Variants in CCDC85A observed in about 807,000 individuals in gnomAD.
CCDC85A encodes the protein coiled-coil domain containing 85A.
CCDC85A carries 38 observed loss-of-function variants against 50.2 expected under a neutral mutation model. The observed-to-expected ratio is 0.76, with a 90% CI of 0.58 to 0.99. The LOEUF is 0.99. CCDC85A is among the 50% of genes least tolerant of loss of function. CCDC85A has a pLI of 0.00. For missense variants in CCDC85A, 820 were observed against 742.0 expected, an observed-to-expected ratio of 1.11 and a Z score of -1.22; for synonymous variants, 366 against 301.4, an observed-to-expected ratio of 1.21 and a Z score of -2.22.
rs181994179 is a variant in CCDC85A, at chr2:56,299,820, G to C, written c.1241-43059G>C. On this transcript the variant is annotated intron_variant, in intron 2 of 5. Transcript: ENST00000407595. ...TGCCACTGTCCTCAGGAAATCAGCT[G>C]GTGCTTACCTTCCCCTCCATTCATT... Among the ~76,000 whole-genome samples the C allele has an allele frequency of 1.2e-4, 18 of 152,214 alleles. No homozygotes were observed. In the East Asian group the frequency reaches 3.5e-3, roughly 29 times the overall value.
chr2:56,319,212 C>T (rs1362695252), intron 2 of CCDC85A, among the ~76,000 whole-genome samples: 2 of 152,076 alleles, frequency 1.3e-5, no homozygotes, highest in Non-Finnish European at 2.9e-5. Flanking sequence ...TGTACAACAA[C>T]CTTGTGGTGT....
At chr2:56,329,530 T>G (rs1673661050) in intron 2 of CCDC85A, among the ~76,000 whole-genome samples, 1 of 152,212 alleles carries the variant, frequency 6.6e-6, no homozygotes, top group African/African-American at 2.4e-5. Flanking sequence ...CTAATTTAGA[T>G]TATCTAAACT....
chr2:56,214,208 G>C (rs1207303855), intron 2 of CCDC85A, among the ~76,000 whole-genome samples: 1 of 151,954 alleles, frequency 6.6e-6, no homozygotes, highest in Non-Finnish European at 1.5e-5. Context: ...CATTGGACAA[G>C]TTATATAACC....
chr2:56,194,999 GA>G (rs1676469709), intron 2 of CCDC85A, among the ~76,000 whole-genome samples: 1 of 152,178 alleles, frequency 6.6e-6, no homozygotes, highest in African/African-American at 2.4e-5. Context: ...TTGAAGAGGG[GA>G]TAGTGGAGTA....
At chr2:56,243,805 C>A (rs1349060302) in intron 2 of CCDC85A, among the ~76,000 whole-genome samples, 1 of 152,152 alleles carries the variant, frequency 6.6e-6, no homozygotes, top group Non-Finnish European at 1.5e-5. Flanking sequence ...TTTGAAGGGA[C>A]CTTGGTATTT....
At chr2:56,184,952 C>G (rs1309216655) in intron 1 of CCDC85A, 52 bp downstream of exon 1, 10 of 1,436,086 alleles carry the variant, frequency 7.0e-6, no homozygotes, top group African/African-American at 3.0e-5. Flanking sequence ...CGGGGTGCCC[C>G]GAGGAGGAGG....
chr2:56,194,016 G>A (rs1676430252), intron 2 of CCDC85A, among the ~76,000 whole-genome samples: 1 of 152,094 alleles, frequency 6.6e-6, no homozygotes, highest in African/African-American at 2.4e-5. Context: ...CCATTGTGTT[G>A]GAGGCCTGAA....
chr2:56,343,363 G>A (rs1235468056), intron 3 of CCDC85A, among the ~76,000 whole-genome samples: 2 of 152,200 alleles, frequency 1.3e-5, no homozygotes, highest in African/African-American at 4.8e-5. Context: ...TAGTTGGAAG[G>A]TTTCGCATTA....
intron 2 of CCDC85A, among the ~76,000 whole-genome samples, chr2:56,256,698 GCCCAGGCAGATAAATATAACCTTC>G (rs767833504): frequency 2.0e-5 from 3 of 152,150 alleles, no homozygotes; most frequent in Non-Finnish European, 4.4e-5. Flanking sequence ...TGACTCCCTT[GCCCAGGCAGATAAATATAACCTTC>G]CTGGCCTAAT....
In CCDC85A at chr2:56,184,562, C is replaced by T. The variant is rs1469248072; in HGVS notation, c.-63C>T. 2 of 1,358,834 alleles carry T rather than the reference C, an allele frequency of 1.5e-6. No individual in the cohort carries two copies. Among genetic ancestry groups the T allele is most frequent in the African/African-American group, 1.5e-5 (1 of 64,714 alleles). 84.2% of individuals were successfully genotyped at this position (1,358,834 alleles called of 1,614,324 possible). A position where few individuals can be genotyped will look rare whatever the true frequency, so the allele number is the denominator to read the frequency against. ...TGTGGGCGGAGGCGGCCTCGCCGCG[C>T]CCGCGCCTTCGGGAGTCGCCTCGCC... On this transcript the variant is annotated 5_prime_UTR_variant, in exon 1 of 6. Transcript: ENST00000407595.
intron 2 of CCDC85A, among the ~76,000 whole-genome samples, chr2:56,238,716 G>T (rs1377229620): frequency 6.6e-6 from 1 of 152,076 alleles, no homozygotes; most frequent in African/African-American, 2.4e-5. Context: ...CCAAGGAATT[G>T]ATCATTTTTC....
At chr2:56,236,679 C>A (rs2103953090) in intron 2 of CCDC85A, among the ~76,000 whole-genome samples, 1 of 152,250 alleles carries the variant, frequency 6.6e-6, no homozygotes. Context: ...TAACTCAGGA[C>A]AGACAAGATT....
chr2:56,211,914 C>T (rs1223947897), intron 2 of CCDC85A, among the ~76,000 whole-genome samples: 11 of 152,036 alleles, frequency 7.2e-5, no homozygotes, highest in Admixed American at 6.6e-4. Context: ...CCTAAAACCT[C>T]CCAGTTCATG....
intron 2 of CCDC85A, among the ~76,000 whole-genome samples, chr2:56,276,293 T>TTTA (rs1670939251): frequency 6.6e-6 from 1 of 152,204 alleles, no homozygotes; most frequent in South Asian, 2.1e-4. Context: ...TTACTGGCTT[T>TTTA]TTATTTTGCT....
rs766074664 is a variant in CCDC85A at position 56,192,835 on chromosome 2, G to A, written c.635G>A (p.Ser212Asn). 1 of 1,613,310 alleles carries A rather than the reference G, an allele frequency of 6.2e-7. No homozygotes were observed. The highest frequency in any genetic ancestry group is 8.5e-7 in the Non-Finnish European group (1 of 1,179,662). The part of the protein sequence containing the change: ...PYVRDVGDGS[S>N]TSSTGSTDSP... The stretch of plus-strand genomic sequence containing the variant: ...GTGCGGGATGTGGGTGACGGCAGCA[G>A]CACCTCCAGCACTGGCAGCACTGAC... Residue 212 changes from serine to asparagine, a missense_variant, in exon 2 of 6, where the codon AGC (serine) becomes AAC (asparagine). By Grantham distance (46) the Ser-to-Asn change is conservative. Transcript: ENST00000407595. The surrounding 1 kb of genome is among the most constrained non-coding windows in gnomAD (Gnocchi z 4.7).
intron 2 of CCDC85A, among the ~76,000 whole-genome samples, chr2:56,242,478 A>G (rs1669305652): frequency 6.6e-6 from 1 of 152,058 alleles, no homozygotes. Flanking sequence ...GATGGGGGAG[A>G]TGCTCCACAC....
chr2:56,349,653 T>C (rs72803057), intron 3 of CCDC85A, among the ~76,000 whole-genome samples: 3,816 of 152,192 alleles, frequency 0.025, 83 homozygotes, highest in Non-Finnish European at 0.041. Context: ...AATGAGAGAA[T>C]ATAGGTGAAA....
chr2:56,305,114 A>T (rs950429436), intron 2 of CCDC85A, among the ~76,000 whole-genome samples: 5 of 151,938 alleles, frequency 3.3e-5, no homozygotes, highest in South Asian at 4.2e-4. Flanking sequence ...AAAAAAAAAA[A>T]ATATAGGATA....
chr2:56,377,214 G>C (rs1042693557), intron 5 of CCDC85A, among the ~76,000 whole-genome samples: 3 of 152,190 alleles, frequency 2.0e-5, no homozygotes, highest in African/African-American at 7.2e-5. Flanking sequence ...TTCCTGGGAA[G>C]GCACAGCCAG....
Sources: gnomAD v4.1 joint callset for allele counts (sites outside exome capture counted in the v4.1 genomes callset) on GRCh38, gnomAD v4.1.1 for gene constraint, Gnocchi (gnomAD v3.1) non-coding constraint, MANE v1.5 for transcripts, NCBI Gene and HGNC (gene_info 2026-07-23, HGNC 2026-07-21) for gene names.